The following LMNB1 variants were observed in gnomAD, a reference collection of about 807,000 sequenced individuals.
LMNB1 encodes the protein lamin-B1.
Under a neutral mutation model 67.1 loss-of-function variants are expected in LMNB1, and 23 were observed. The ratio of observed to expected loss-of-function variants is 0.34; its 90% CI spans 0.25 to 0.49. The LOEUF is 0.49. Ranked by LOEUF, LMNB1 falls within the 20% of genes least tolerant of loss-of-function variation. The probability of loss-of-function intolerance (pLI) is 0.99; values close to 1 mark genes in which losing one functional copy is unlikely to be tolerated. For missense variants in LMNB1, 634 were observed against 746.5 expected, an observed-to-expected ratio of 0.85 and a Z score of 1.76; for synonymous variants, 281 against 282.9, an observed-to-expected ratio of 0.99 and a Z score of 0.07.
At chr5:126,784,199 T>G (rs1750704472) in intron 1 of LMNB1, among the ~76,000 whole-genome samples, 1 of 147,158 alleles carries the variant, frequency 6.8e-6, no homozygotes. Context: ...TGATTTTGTA[T>G]TTTTTTTTTA....
intron 1 of LMNB1, among the ~76,000 whole-genome samples, chr5:126,795,932 G>GTTTTTTTTTTTTTTT (rs1561739969): frequency 2.4e-5 from 1 of 41,876 alleles, no homozygotes; most frequent in African/African-American, 6.5e-5. Context: ...GGCCCAGGAT[G>GTTTTTTTTTTTTTTT]CTTTTTTTTT....
chr5:126,787,546 A>ATTTTT (rs142332901), intron 1 of LMNB1, among the ~76,000 whole-genome samples: 4 of 65,564 alleles, frequency 6.1e-5, no homozygotes, highest in Admixed American at 2.2e-4. Context: ...ATATATATAT[A>ATTTTT]TTTTTTTTTT....
At position 126,788,897 on chromosome 5, in the gene LMNB1, T is replaced by G. The variant is rs540523982; in HGVS notation, c.359+11030T>G. Among the ~76,000 whole-genome samples the G allele has an allele frequency of 8.9e-3, 723 of 81,544 alleles. 3 individuals carry two copies. Among genetic ancestry groups the G allele is most frequent in the Admixed American group, 0.018 (135 of 7,466 alleles). 53.5% of individuals were successfully genotyped at this position (81,544 alleles called of 152,430 possible). A position where few individuals can be genotyped will look rare whatever the true frequency, so the allele number is the denominator to read the frequency against. ...AGGGAAGGAGACAAGTTTTTTTTTG[T>G]TTTTTTTGTTTTTTTTTTTTGAGAC... On this transcript the variant is annotated intron_variant, in intron 1 of 10. Coordinates refer to ENST00000261366, the MANE Select transcript of LMNB1 (RefSeq NM_005573.4).
chr5:126,818,577 A>G (rs1232414014), intron 5 of LMNB1, among the ~76,000 whole-genome samples: 1 of 152,182 alleles, frequency 6.6e-6, no homozygotes, highest in East Asian at 1.9e-4. Flanking sequence ...TATTTAATTT[A>G]TACTTTTGGA....
intron 9 of LMNB1, among the ~76,000 whole-genome samples, chr5:126,828,234 A>G (rs1752044994): frequency 6.6e-6 from 1 of 152,200 alleles, no homozygotes; most frequent in African/African-American, 2.4e-5. Context: ...AAGACTGAAA[A>G]GCACTGTTAT....
In LMNB1 at chr5:126,804,946, T is replaced by TA; in HGVS notation, c.516+15dup. The TA allele has an allele frequency of 6.2e-7, 1 of 1,612,058 alleles. No individual in the cohort carries two copies. Among genetic ancestry groups the TA allele is most frequent in the Non-Finnish European group, 8.5e-7 (1 of 1,178,820 alleles). On this transcript the variant is annotated intron_variant, in intron 2 of 10. Coordinates refer to ENST00000261366, the MANE Select transcript of LMNB1 (RefSeq NM_005573.4). The stretch of plus-strand genomic sequence containing the variant: ...CAGATTGCCCAGGTAAGGTCAAGCC[T>TA]ACTCTTGAGCCGTATGTGACAGGTT...
At chr5:126,804,238 C>CTA (rs1751358056) in intron 1 of LMNB1, among the ~76,000 whole-genome samples, 1 of 101,156 alleles carries the variant, frequency 9.9e-6, no homozygotes, top group Non-Finnish European at 1.9e-5. Flanking sequence ...GTGCCAGGCT[C>CTA]TTTTTTTTTT....
chr5:126,780,175 A>AGT (rs1580520569), intron 1 of LMNB1, among the ~76,000 whole-genome samples: 1 of 152,088 alleles, frequency 6.6e-6, no homozygotes, highest in East Asian at 1.9e-4. Context: ...TGGGTGACAG[A>AGT]GTGAGACTCC....
At chr5:126,792,849 T>G (rs1045053768) in intron 1 of LMNB1, among the ~76,000 whole-genome samples, 1 of 152,102 alleles carries the variant, frequency 6.6e-6, no homozygotes, top group African/African-American at 2.4e-5. Context: ...GTGCTGAGAT[T>G]ACAGGCATGA....
chr5:126,801,982 C>T (rs1751297789), intron 1 of LMNB1, among the ~76,000 whole-genome samples: 1 of 152,176 alleles, frequency 6.6e-6, no homozygotes, highest in South Asian at 2.1e-4. Context: ...TATAGTGGGG[C>T]AAAATAGAGA....
At chr5:126,781,572 G>A (rs1455365570) in intron 1 of LMNB1, among the ~76,000 whole-genome samples, 1 of 151,960 alleles carries the variant, frequency 6.6e-6, no homozygotes, top group African/African-American at 2.4e-5. Context: ...AAGTAGCTGG[G>A]ATTACAGGTG....
At chr5:126,808,503 T>TA (rs201125035) in intron 3 of LMNB1, among the ~76,000 whole-genome samples, 4 of 152,076 alleles carry the variant, frequency 2.6e-5, no homozygotes, top group Admixed American at 6.6e-5. Context: ...TTTTTTTTTT[T>TA]ACATTCATGA....
chr5:126,810,057 C>T (rs1241024096), intron 3 of LMNB1, 123 bp from the exon 4 acceptor site: 9 of 820,440 alleles, frequency 1.1e-5, no homozygotes, highest in East Asian at 2.6e-5. Flanking sequence ...TTCACATGAC[C>T]GCCTGAGGAC....
rs548320969 is a variant in LMNB1 at position 126,836,081 on chromosome 5, G to C, written c.1720-142G>C. 16 of 655,782 alleles carry C rather than the reference G, an allele frequency of 2.4e-5. No homozygotes were observed. In the South Asian group the frequency reaches 3.1e-4, roughly 13 times the overall value. The allele number at this position is 655,782 out of a possible 1,614,324, so 40.6% of individuals were successfully genotyped here. A position where few individuals can be genotyped will look rare whatever the true frequency, so the allele number is the denominator to read the frequency against. On this transcript the variant is annotated intron_variant, in intron 10 of 10. Coordinates refer to ENST00000261366, the MANE Select transcript of LMNB1 (RefSeq NM_005573.4). ...AGAAAAAGAAAAAAAGAAAAGGTTA[G>C]AAAAGATGAGAGATGATAAAGGGTC...
At chr5:126,823,033 G>C in intron 8 of LMNB1, 148 bp downstream of exon 8, 4 of 620,732 alleles carry the variant, frequency 6.4e-6, no homozygotes, top group Non-Finnish European at 1.1e-5. Flanking sequence ...TGCTATAAAA[G>C]ATTTTTAAAA....
chr5:126,829,936 G>A (rs1752091142), intron 9 of LMNB1, among the ~76,000 whole-genome samples: 5 of 152,106 alleles, frequency 3.3e-5, no homozygotes, highest in Admixed American at 2.6e-4. Flanking sequence ...TGTCACCATG[G>A]CAAAAACAAG....
chr5:126,785,281 C>T (rs1164282463), intron 1 of LMNB1, among the ~76,000 whole-genome samples: 1 of 135,986 alleles, frequency 7.4e-6, no homozygotes. Flanking sequence ...CCACGGTGCC[C>T]TGCCTAAAAA....
In LMNB1 at chr5:126,805,970, T is replaced by G. The variant is rs189046790; in HGVS notation, c.642+274T>G. On this transcript the variant is annotated intron_variant, in intron 3 of 10. Coordinates refer to ENST00000261366, the MANE Select transcript of LMNB1 (RefSeq NM_005573.4). ...TATTTTTGTTTTTTTGTTTTTGTTT[T>G]TTTGAGACGGAGTCTTGCTCTGCCG... Among the ~76,000 whole-genome samples the G allele has an allele frequency of 5.9e-3, 897 of 152,334 alleles. 29 individuals carry two copies. The highest frequency in any genetic ancestry group is 0.054 in the Admixed American group (825 of 15,296).
intron 8 of LMNB1, among the ~76,000 whole-genome samples, chr5:126,824,859 C>CCCCCT (rs1751958756): frequency 1.8e-5 from 2 of 113,968 alleles, no homozygotes; most frequent in African/African-American, 6.4e-5. Context: ...CCCACCCTTT[C>CCCCCT]TTTTTTTTGA....
Sources: allele counts gnomAD v4.1 joint callset (sites outside exome capture counted in the v4.1 genomes callset), GRCh38; gene constraint gnomAD v4.1.1; transcripts MANE v1.5; gene names NCBI Gene and HGNC (gene_info 2026-07-23, HGNC 2026-07-21).